Variants in CNTN2 observed in about 807,000 individuals in gnomAD.
CNTN2 encodes contactin 2, also known as contactin-2.
In CNTN2, 53 loss-of-function variants were observed where a neutral mutation model predicts 117.5. The ratio of observed to expected loss-of-function variants is 0.45; its 90% CI spans 0.36 to 0.57. The LOEUF (loss-of-function observed/expected upper bound fraction) is 0.57. CNTN2 is among the 20% of genes least tolerant of loss of function. The probability of loss-of-function intolerance (pLI) is 0.00; values close to 1 mark genes in which losing one functional copy is unlikely to be tolerated. For missense variants in CNTN2, 1,106 were observed against 1,404.3 expected (o/e 0.79, Z 3.39); for synonymous variants, 530 against 561.7 (o/e 0.94, Z 0.80).
rs746987665 is a variant in CNTN2 at position 205,059,155 on chromosome 1, C to T, written c.559C>T (p.Gln187Ter). 1 of 1,614,214 alleles carries T rather than the reference C, an allele frequency of 6.2e-7. No individual in the cohort carries two copies. Among genetic ancestry groups the T allele is most frequent in the Non-Finnish European group, 8.5e-7 (1 of 1,180,038 alleles). The change falls in exon 6 of 23, where the codon CAG becomes TAG. Residue 187 changes from glutamine (Q) to a stop codon, truncating the protein, a stop_gained. Transcript: ENST00000331830. LOFTEE classifies it high-confidence loss of function. The surrounding 1 kb of genome is among the most constrained non-coding windows in gnomAD (Gnocchi z 5.6). ...GACGGACGGGCGTCACTTCGTGTCC[C>T]AGACCACAGGGAACCTGTACATTGC... is the stretch of plus-strand genomic sequence containing the variant. ...IPTDGRHFVSQTTGNLYIART... is the reference protein window; with the variant it reads ...IPTDGRHFVS
At chr1:205,045,001 G>T (rs1237548824) in intron 1 of CNTN2, among the ~76,000 whole-genome samples, 3 of 152,174 alleles carry the variant, frequency 2.0e-5, no homozygotes, top group African/African-American at 7.2e-5. Flanking sequence ...AGTCCTCAGC[G>T]AATAAGAGGG....
Position 205,065,647 on chromosome 1 carries a change from C to A in CNTN2, c.1696-142C>A. The A allele has an allele frequency of 9.8e-7, 1 of 1,021,098 alleles. No individual in the cohort carries two copies. The highest frequency in any genetic ancestry group is 1.4e-6 in the Non-Finnish European group (1 of 703,994). The allele number at this position is 1,021,098 out of a possible 1,614,324, so 63.3% of individuals were successfully genotyped here. ...ATGAGTCGTGATTCCTCCCATTGAG[C>A]AGACAGGAAAACTGAGATCCAGTGG... is the stretch of plus-strand genomic sequence containing the variant. On this transcript the variant is annotated intron_variant, in intron 13 of 22. Transcript: ENST00000331830. The surrounding 1 kb of genome is among the most constrained non-coding windows in gnomAD (Gnocchi z 4.1).
chr1:205,069,444 T>G, intron 16 of CNTN2, 47 bp from the exon 17 acceptor site: 1 of 1,594,256 alleles, frequency 6.3e-7, no homozygotes, highest in Middle Eastern at 1.7e-4. Flanking sequence ...TTTCATTTTT[T>G]CCTTGCTCAT....
Position 205,059,768 on chromosome 1 carries a change from C to T in CNTN2, c.797+86C>T, listed in dbSNP as rs991232223. 57 of 1,121,992 alleles carry T rather than the reference C, an allele frequency of 5.1e-5. No homozygotes were observed. The highest frequency in any genetic ancestry group is 5.4e-6 in the Non-Finnish European group (4 of 739,896). 69.5% of individuals were successfully genotyped at this position (1,121,992 alleles called of 1,614,324 possible). On this transcript the variant is annotated intron_variant, in intron 7 of 22. Transcript: ENST00000331830. The surrounding 1 kb of genome is among the most constrained non-coding windows in gnomAD (Gnocchi z 5.6). ...GGTGAGGGCAGGCAGAGTCAGGGCT[C>T]TTATCTTGGTGTCCCTCACAGGGTC...
Position 205,075,403 on chromosome 1 carries a change from T to A in CNTN2, c.*1638T>A, listed in dbSNP as rs548838109. On this transcript the variant is annotated 3_prime_UTR_variant, in exon 23 of 23. Transcript: ENST00000331830. ...GAGGCCAAAGCAAGAGCAGATTCCC[T>A]AGGCAAGAGCAGCAGCACAACTAGG... 2 of 152,738 alleles carry A rather than the reference T, an allele frequency of 1.3e-5. No individual in the cohort carries two copies. Among genetic ancestry groups the A allele is most frequent in the South Asian group, 4.1e-4 (2 of 4,824 alleles). 9.5% of individuals were successfully genotyped at this position (152,738 alleles called of 1,614,324 possible).
intron 1 of CNTN2, among the ~76,000 whole-genome samples, chr1:205,050,278 AGTGTGTGTGTGTGTGTGT>A (rs3073631): frequency 6.9e-6 from 1 of 145,392 alleles, no homozygotes; most frequent in Non-Finnish European, 1.5e-5. Flanking sequence ...TAGAGCTCTG[AGTGTGTGTGTGTGTGTGT>A]GTGTGTGTGT....
intron 19 of CNTN2, among the ~76,000 whole-genome samples, chr1:205,071,646 C>T (rs1654598320): frequency 2.6e-5 from 4 of 152,142 alleles, no homozygotes. Context: ...ACGGTAGCCC[C>T]CCAAGTTAAT....
chr1:205,067,270 CAA>C lies in CNTN2; in HGVS notation c.2125+24_2125+25del, dbSNP rs1375621433. On this transcript the variant is annotated intron_variant, in intron 16 of 22. Transcript: ENST00000331830. ...AAGCAGGTGAGAGTCCTGTGTGTCC[CAA>C]AAAGCTATCATCAGGGCAGAGACCC... 6.2e-7 allele frequency: 1 copy of C among 1,601,498 alleles called. No homozygotes were observed. The highest frequency in any genetic ancestry group is 8.5e-7 in the Non-Finnish European group (1 of 1,174,778).
intron 11 of CNTN2, 63 bp from the exon 12 acceptor site, chr1:205,064,560 A>G (rs935698900): frequency 4.4e-6 from 7 of 1,601,794 alleles, no homozygotes; most frequent in African/African-American, 4.0e-5. Flanking sequence ...CAGTCACAGG[A>G]GTTGGCCAGC....
rs1407941720 is a variant in CNTN2 at position 205,065,255 on chromosome 1, C to T, written c.1688C>T (p.Thr563Ile). The T allele has an allele frequency of 4.3e-6, 7 of 1,614,142 alleles. 1 individual carries two copies. The South Asian group carries it at 7.7e-5, about 18-fold the overall frequency. ...FDKPGGHYRR[T>I]NVKETIGDLT... Reference sequence around the variant, plus strand: ...AAGCCTGGAGGGCACTACCGGAGAACTAATGTGGTGAGACCTAGGGCCAGA... The same window carrying T: ...AAGCCTGGAGGGCACTACCGGAGAATTAATGTGGTGAGACCTAGGGCCAGA... Residue 563 changes from threonine (T) to isoleucine (I), a missense_variant, in exon 13 of 23, where the codon ACT becomes ATT. By Grantham distance (89) the Thr-to-Ile change is moderately conservative. Coordinates refer to ENST00000331830, the MANE Select transcript of CNTN2 (RefSeq NM_005076.5). This position sits in a 1 kb window ranked among gnomAD's most constrained non-coding sequence, Gnocchi z 4.1.
At chr1:205,046,014 A>T (rs2096440999) in intron 1 of CNTN2, among the ~76,000 whole-genome samples, 1 of 152,124 alleles carries the variant, frequency 6.6e-6, no homozygotes, top group Non-Finnish European at 1.5e-5. Context: ...TCATCCCCTC[A>T]TGCATGCTGG....
At position 205,065,903 on chromosome 1, in the gene CNTN2, G is replaced by A. The variant is rs1292124708; in HGVS notation, c.1810G>A (p.Val604Ile). Residue 604 changes from valine to isoleucine, a missense_variant, in exon 14 of 23, where the codon GTC becomes ATC. By Grantham distance (29) the Val-to-Ile change is conservative. Coordinates refer to ENST00000331830, the MANE Select transcript of CNTN2 (RefSeq NM_005076.5). This position sits in a 1 kb window ranked among gnomAD's most constrained non-coding sequence, Gnocchi z 4.1. ...CGCGTCCAAGGAGGCCACAGTCCTG[G>A]TCCGAGGTGAGGGGTTTCCCACCTC... ...DSASKEATVLVRGPPGPPGGV... is the reference protein window; with the variant it reads ...DSASKEATVLIRGPPGPPGGV... 2 of 1,611,552 alleles carry A rather than the reference G, an allele frequency of 1.2e-6. No individual in the cohort carries two copies. Among genetic ancestry groups the A allele is most frequent in the South Asian group, 1.1e-5 (1 of 90,780 alleles).
In CNTN2 at chr1:205,074,843, T is replaced by C. The variant is rs993885889; in HGVS notation, c.*1078T>C. 5.0e-6 allele frequency: 2 copies of C among 398,616 alleles called. No homozygotes were observed. Among genetic ancestry groups the C allele is most frequent in the Non-Finnish European group, 8.8e-6 (2 of 226,074 alleles). The allele number at this position is 398,616 out of a possible 1,614,324, so 24.7% of individuals were successfully genotyped here. A position where few individuals can be genotyped will look rare whatever the true frequency, so the allele number is the denominator to read the frequency against. On this transcript the variant is annotated 3_prime_UTR_variant, in exon 23 of 23. Transcript: ENST00000331830. Reference sequence around the variant, plus strand: ...GAAGGGCAGAGGATAAATGTGGCCCTGCCTGCTCCCAGGTATACCTAGGAC... The same window carrying C: ...GAAGGGCAGAGGATAAATGTGGCCCCGCCTGCTCCCAGGTATACCTAGGAC...
Position 205,065,421 on chromosome 1 carries a change from T to C in CNTN2, c.1695+159T>C, listed in dbSNP as rs79563528. 0.035 allele frequency among the ~76,000 whole-genome samples: 5,275 copies of C among 152,196 alleles called. 170 individuals carry two copies. The highest frequency in any genetic ancestry group is 0.087 in the African/African-American group (3,622 of 41,502). ...GCAAGCTCATCCTTGGATGAACAGC[T>C]GACCTTCCTGGATTCCACCCAGGGA... On this transcript the variant is annotated intron_variant, in intron 13 of 22. Transcript: ENST00000331830. This position sits in a 1 kb window ranked among gnomAD's most constrained non-coding sequence, Gnocchi z 4.1.
Position 205,066,561 on chromosome 1 carries a change from G to T in CNTN2, c.1937G>T (p.Arg646Leu), listed in dbSNP as rs780787184. Residue 646 changes from arginine (R) to leucine (L), a missense_variant, in exon 15 of 23, where the codon CGC becomes CTC. Coordinates refer to ENST00000331830, the MANE Select transcript of CNTN2 (RefSeq NM_005076.5). ...SPIAKYTLQA[R>L]TPPAGKWKQV... ...ATCGCTAAGTACACCCTGCAAGCTC[G>T]CACTCCACCTGCAGGGAAGTGGAAG... The T allele has an allele frequency of 6.2e-7, 1 of 1,613,896 alleles. No individual in the cohort carries two copies.
Position 205,058,510 on chromosome 1 carries a change from C to G in CNTN2, c.392-58C>G. The G allele has an allele frequency of 6.3e-7, 1 of 1,584,316 alleles. No homozygotes were observed. On this transcript the variant is annotated intron_variant, in intron 4 of 22. Transcript: ENST00000331830. This position sits in a 1 kb window ranked among gnomAD's most constrained non-coding sequence, Gnocchi z 4.3. ...TGCTGCTTCTCCGTGAAGGATGAGT[C>G]GGGGAGGGGCTCGCAGGCCAGGAGG...
chr1:205,069,813 C>T lies in CNTN2; in HGVS notation c.2197-14C>T, dbSNP rs755837674. The T allele has an allele frequency of 5.6e-6, 9 of 1,609,644 alleles. No individual in the cohort carries two copies. In the East Asian group the frequency reaches 1.8e-4, roughly 32 times the overall value. On this transcript the variant is annotated splice_polypyrimidine_tract_variant and intron_variant, in intron 17 of 22. Coordinates refer to ENST00000331830, the MANE Select transcript of CNTN2 (RefSeq NM_005076.5). ...GCCGCGGACCCTCGCCCATGCCATG[C>T]TCTTGCCCCTCAGCCCATGTCACGG...
In CNTN2 at chr1:205,074,856, G is replaced by T; in HGVS notation, c.*1091G>T. 2.5e-6 allele frequency: 1 copy of T among 398,628 alleles called. No individual in the cohort carries two copies. The highest frequency in any genetic ancestry group is 4.4e-6 in the Non-Finnish European group (1 of 226,096). The allele number at this position is 398,628 out of a possible 1,614,324, so 24.7% of individuals were successfully genotyped here. On this transcript the variant is annotated 3_prime_UTR_variant, in exon 23 of 23. Transcript: ENST00000331830. ...TAAATGTGGCCCTGCCTGCTCCCAG[G>T]TATACCTAGGACCACCTGGCCAGAT...
chr1:205,049,280 C>CAACACACA (rs1558534753), intron 1 of CNTN2, among the ~76,000 whole-genome samples: 3 of 120,718 alleles, frequency 2.5e-5, no homozygotes, highest in African/African-American at 9.9e-5. Flanking sequence ...TCCTCACACC[C>CAACACACA]GACACACACA....
Sources: gnomAD v4.1 joint callset for allele counts (sites outside exome capture counted in the v4.1 genomes callset) on GRCh38, gnomAD v4.1.1 for gene constraint, Gnocchi (gnomAD v3.1) non-coding constraint, MANE v1.5 for transcripts, NCBI Gene and HGNC (gene_info 2026-07-23, HGNC 2026-07-21) for gene names.